Variants in MAN2A2 observed in about 807,000 individuals in gnomAD.
MAN2A2 encodes mannosidase alpha class 2A member 2, also known as alpha-mannosidase 2x.
MAN2A2 carries 79 observed loss-of-function variants against 126.8 expected under a neutral mutation model. That is an observed-to-expected ratio of 0.62 (90% CI 0.52 to 0.75). The LOEUF is 0.75. Ranked by LOEUF, MAN2A2 falls within the 30% of genes least tolerant of loss-of-function variation. The probability of loss-of-function intolerance (pLI) is 0.00; values close to 1 mark genes in which losing one functional copy is unlikely to be tolerated. For missense variants in MAN2A2, 1,392 were observed against 1,522.4 expected, an observed-to-expected ratio of 0.91 and a Z score of 1.43; for synonymous variants, 671 against 618.7, an observed-to-expected ratio of 1.08 and a Z score of -1.25.
intron 20 of MAN2A2, among the ~76,000 whole-genome samples, chr15:90,917,469 G>A (rs1397312697): frequency 6.6e-6 from 1 of 152,240 alleles, no homozygotes; most frequent in East Asian, 1.9e-4. Flanking sequence ...AGGGAGACTG[G>A]AGGAGGGTGA....
Position 90,916,170 on chromosome 15 carries a change from C to A in MAN2A2, c.2908C>A (p.Arg970=). 2 of 1,614,116 alleles carry A rather than the reference C, an allele frequency of 1.2e-6. No individual in the cohort carries two copies. The highest frequency in any genetic ancestry group is 1.7e-6 in the Non-Finnish European group (2 of 1,180,032). The change falls in exon 20 of 23, where the codon CGG becomes AGG. Residue 970 remains arginine (R), a synonymous_variant. Coordinates refer to ENST00000559717, the MANE Select transcript of MAN2A2 (RefSeq NM_006122.4). ...LDRRLMQDDN[R]GLGQGLKDNK... is the part of the protein sequence containing the mutation. ...CCGGCGGCTGATGCAGGATGACAAC[C>A]GGGGCCTAGGCCAAGGGCTCAAGGA...
rs756408535 is a variant in MAN2A2 at position 90,919,949 on chromosome 15, C to T, written c.*162C>T. 16 of 822,908 alleles carry T rather than the reference C, an allele frequency of 1.9e-5. No individual in the cohort carries two copies. The highest frequency in any genetic ancestry group is 7.3e-4 in the Middle Eastern group (2 of 2,722). 51.0% of individuals were successfully genotyped at this position (822,908 alleles called of 1,614,324 possible). A position where few individuals can be genotyped will look rare whatever the true frequency, so the allele number is the denominator to read the frequency against. On this transcript the variant is annotated 3_prime_UTR_variant, in exon 23 of 23. Transcript: ENST00000559717. Reference sequence around the variant, plus strand: ...CTGTTTATTGCTGCTGCTGTGTTTTCGGCGCAACCCACAAACCCAGTGATG... The same window carrying T: ...CTGTTTATTGCTGCTGCTGTGTTTTTGGCGCAACCCACAAACCCAGTGATG...
chr15:90,905,900 T>C lies in MAN2A2; in HGVS notation c.591T>C (p.Asn197=), dbSNP rs1184195789. The C allele has an allele frequency of 6.2e-7, 1 of 1,603,034 alleles. No homozygotes were observed. The highest frequency in any genetic ancestry group is 8.5e-7 in the Non-Finnish European group (1 of 1,175,064). The part of the protein sequence containing the change: ...YYTEQTQHIL[N]SMVSKLQEDP... The stretch of plus-strand genomic sequence containing the variant: ...CAGAGCAGACCCAACACATCCTCAA[T>C]AGCATGGTGTCTAAGCTGCAGGAGG... Residue 197 remains asparagine (N), a synonymous_variant, in exon 5 of 23, where the codon AAT becomes AAC. Coordinates refer to ENST00000559717, the MANE Select transcript of MAN2A2 (RefSeq NM_006122.4).
intron 19 of MAN2A2, among the ~76,000 whole-genome samples, chr15:90,915,824 C>T (rs1390507873): frequency 1.3e-5 from 2 of 152,250 alleles, no homozygotes; most frequent in African/African-American, 2.4e-5. Context: ...CGGTTTCCTG[C>T]CTGGGCCCCT....
rs779328332 is a variant in MAN2A2 at position 90,910,271 on chromosome 15, G to A, written c.1556G>A (p.Arg519Gln). The A allele has an allele frequency of 1.9e-6, 3 of 1,614,110 alleles. No homozygotes were observed. Among genetic ancestry groups the A allele is most frequent in the Admixed American group, 1.7e-5 (1 of 60,020 alleles). Residue 519 changes from arginine (R) to glutamine (Q), a missense_variant, in exon 10 of 23, where the codon CGA becomes CAA. By Grantham distance (43) the Arg-to-Gln change is conservative. Transcript: ENST00000559717. ...CGGCCCTTCTACAAGAGCTTAGACC[G>A]AGTCCTGGAAGCCCACCTGCGGTGA... Reference protein sequence around the residue: ...TSRPFYKSLDRVLEAHLRGAE... With the variant: ...TSRPFYKSLDQVLEAHLRGAE...
At chr15:90,903,947 G>C in intron 1 of MAN2A2, 1 of 529,472 alleles carries the variant, frequency 1.9e-6, no homozygotes, top group Non-Finnish European at 3.5e-6. Context: ...GTCGGAGCTG[G>C]GACTCTTATC....
intron 19 of MAN2A2, among the ~76,000 whole-genome samples, chr15:90,914,066 C>T (rs553697014): frequency 2.2e-4 from 33 of 152,336 alleles, no homozygotes; most frequent in African/African-American, 7.5e-4. Context: ...AAGCTAGGCA[C>T]AGTGGTTCAC....
At chr15:90,919,582 TC>T in intron 22 of MAN2A2, 52 bp from the exon 23 acceptor site, 2 of 1,595,082 alleles carry the variant, frequency 1.3e-6, no homozygotes, top group South Asian at 2.2e-5. Flanking sequence ...ACAGCCACAT[TC>T]TTTAGTGTCT....
chr15:90,909,881 G>A lies in MAN2A2; in HGVS notation c.1375-209G>A, dbSNP rs374622514. ...GCCTCCCAAAGTGCTGGGATTACAG[G>A]CGTGAGCCACCGCGCCCAGCCGAAG... On this transcript the variant is annotated intron_variant, in intron 9 of 22. Coordinates refer to ENST00000559717, the MANE Select transcript of MAN2A2 (RefSeq NM_006122.4). Among the ~76,000 whole-genome samples, 36 of 152,226 alleles carry A rather than the reference G, an allele frequency of 2.4e-4. 1 individual carries two copies. Among genetic ancestry groups the A allele is most frequent in the African/African-American group, 7.7e-4 (32 of 41,462 alleles).
At chr15:90,913,171 G>A in intron 17 of MAN2A2, 102 bp from the exon 18 acceptor site, 1 of 1,447,510 alleles carries the variant, frequency 6.9e-7, no homozygotes. Context: ...TGGGAGGTTG[G>A]ACAGAGCCTC....
intron 19 of MAN2A2, 132 bp from the exon 20 acceptor site, chr15:90,915,987 CCTCT>C (rs2035142851): frequency 1.1e-6 from 1 of 943,876 alleles, no homozygotes; most frequent in African/African-American, 1.7e-5. Context: ...GAACCCGTGA[CCTCT>C]CCTGAGTGAC....
At chr15:90,912,398 C>A in intron 15 of MAN2A2, 119 bp downstream of exon 15, 2 of 1,561,504 alleles carry the variant, frequency 1.3e-6, no homozygotes, top group Non-Finnish European at 1.8e-6. Context: ...CCACAGTGGA[C>A]CGGGGCCTGG....
chr15:90,905,153 G>T, intron 2 of MAN2A2, 98 bp from the exon 3 acceptor site: 1 of 1,346,336 alleles, frequency 7.4e-7, no homozygotes, highest in Non-Finnish European at 1.0e-6. Context: ...GACTGATGAG[G>T]GAAGAATTGT....
rs141021043 is a variant in MAN2A2 at position 90,906,157 on chromosome 15, G to A, written c.707+141G>A. 627 of 1,365,360 alleles carry A rather than the reference G, an allele frequency of 4.6e-4. 1 individual carries two copies. In the African/African-American group the frequency reaches 7.2e-3, roughly 16 times the overall value. 84.6% of individuals were successfully genotyped at this position (1,365,360 alleles called of 1,614,324 possible). ...GAAGAGATGAGTGATGGTGGAGGGA[G>A]GGAAGGCAAAAACAGATAGGTTCCG... is the stretch of plus-strand genomic sequence containing the variant. On this transcript the variant is annotated intron_variant, in intron 5 of 22. Coordinates refer to ENST00000559717, the MANE Select transcript of MAN2A2 (RefSeq NM_006122.4).
In MAN2A2 at chr15:90,919,732, C is replaced by G; in HGVS notation, c.3398C>G (p.Thr1133Ser). The part of the protein sequence containing the change: ...LYPLASPSNS[T>S]DVYLEPMEIA... ...CCTCTGGCCTCCCCGTCCAACAGCA[C>G]TGACGTCTATTTGGAGCCCATGGAG... The change falls in exon 23 of 23, where the codon ACT becomes AGT. Residue 1133 changes from threonine (T) to serine (S), a missense_variant. Transcript: ENST00000559717. 6.2e-7 allele frequency: 1 copy of G among 1,614,246 alleles called. No homozygotes were observed. The highest frequency in any genetic ancestry group is 1.1e-5 in the South Asian group (1 of 91,086).
Position 90,909,426 on chromosome 15 carries a change from C to G in MAN2A2, c.1296C>G (p.Pro432=). The G allele has an allele frequency of 6.2e-7, 1 of 1,614,116 alleles. No homozygotes were observed. Among genetic ancestry groups the G allele is most frequent in the Non-Finnish European group, 8.5e-7 (1 of 1,179,996 alleles). ...GAGATGACTTCCGATATGACAAGCC[C>G]CAGGAGTGGGATGCCCAGTTCTTCA... ...PLGDDFRYDK[P]QEWDAQFFNY... is the part of the protein sequence containing the mutation. The change falls in exon 9 of 23, where the codon CCC becomes CCG. Residue 432 remains proline, a synonymous_variant. Coordinates refer to ENST00000559717, the MANE Select transcript of MAN2A2 (RefSeq NM_006122.4).
At chr15:90,916,444 C>G (rs1266487) in intron 20 of MAN2A2, 188 bp downstream of exon 20, 4 of 1,082,760 alleles carry the variant, frequency 3.7e-6, no homozygotes, top group Non-Finnish European at 5.3e-6. Context: ...TGGCACCTTC[C>G]TCTCCCAGCA....
rs2034290581 is a variant in MAN2A2 at position 90,906,437 on chromosome 15, C to T, written c.775C>T (p.His259Tyr). Reference sequence around the variant, plus strand: ...GGTGATGCCAGATGAGGCCAATTCCCACTACTTTGCATTGATTGACCAGCT... The same window carrying T: ...GGTGATGCCAGATGAGGCCAATTCCTACTACTTTGCATTGATTGACCAGCT... ...GWVMPDEANSHYFALIDQLIE... is the reference protein window; with the variant it reads ...GWVMPDEANSYYFALIDQLIE... Residue 259 changes from histidine (H) to tyrosine (Y), a missense_variant, in exon 6 of 23, where the codon CAC becomes TAC. By Grantham distance (83) the His-to-Tyr change is moderately conservative (BLOSUM62 2). Transcript: ENST00000559717. 1 of 1,614,000 alleles carries T rather than the reference C, an allele frequency of 6.2e-7. No individual in the cohort carries two copies. The highest frequency in any genetic ancestry group is 1.3e-5 in the African/African-American group (1 of 74,896).
intron 19 of MAN2A2, among the ~76,000 whole-genome samples, chr15:90,914,970 A>G (rs2035054626): frequency 6.6e-6 from 1 of 152,186 alleles, no homozygotes; most frequent in Admixed American, 6.5e-5. Flanking sequence ...GGCCCTTGAG[A>G]TCTGTCTCTG....
Sources: allele counts gnomAD v4.1 joint callset (sites outside exome capture counted in the v4.1 genomes callset), GRCh38; gene constraint gnomAD v4.1.1; transcripts MANE v1.5; gene names NCBI Gene and HGNC (gene_info 2026-07-23, HGNC 2026-07-21).